The following PLIN4 variants were observed in gnomAD, a reference collection of about 807,000 sequenced individuals.
PLIN4 encodes the protein perilipin 4.
A neutral mutation model predicts 52.4 loss-of-function variants in PLIN4; 57 were observed. The ratio of observed to expected loss-of-function variants is 1.09; its 90% CI spans 0.88 to 1.36. The LOEUF is 1.36. Among genes scored for constraint, PLIN4 ranks in the 40% most tolerant of loss-of-function variants. PLIN4 has a pLI of 0.00. For synonymous variants in PLIN4, 826 were observed against 785.4 expected (o/e 1.05, Z -0.86); for missense variants, 1,757 against 1,770.3 (o/e 0.99, Z 0.13).
At chr19:4,515,606 A>C (rs1400543476) in intron 4 of PLIN4, among the ~76,000 whole-genome samples, 1 of 152,108 alleles carries the variant, frequency 6.6e-6, no homozygotes, top group Non-Finnish European at 1.5e-5. Flanking sequence ...CAACTGGGTG[A>C]TTCTGCCCCC....
chr19:4,514,732 AATAATG>A (rs960492725), intron 4 of PLIN4, among the ~76,000 whole-genome samples: 1 of 147,936 alleles, frequency 6.8e-6, no homozygotes, highest in African/African-American at 2.6e-5. Context: ...TGTCTCAAAT[AATAATG>A]ATAATGATAA....
rs376417787 is a variant in PLIN4 at position 4,504,642 on chromosome 19, C to G, written c.3933G>C (p.Glu1311Asp). The G allele has an allele frequency of 6.2e-7, 1 of 1,603,784 alleles. No individual in the cohort carries two copies. Among genetic ancestry groups the G allele is most frequent in the Non-Finnish European group, 8.5e-7 (1 of 1,178,268 alleles). ...CAGCTGAGGCCACGATGCCATAGAG[C>G]TCACAGAGGCTGTGCCGCGCCCGCC... is the stretch of plus-strand genomic sequence containing the variant. Reference protein sequence around the residue: ...PVGRARHSLCELYGIVASAGS... With the variant: ...PVGRARHSLCDLYGIVASAGS... Residue 1311 changes from glutamate to aspartate, a missense_variant, in exon 8 of 8, where the codon GAG becomes GAC. Glu to Asp is a conservative substitution (Grantham distance 45, BLOSUM62 2). This residue lies in a region of PLIN4 where 712 missense variants were observed against 637.1 expected (regional missense o/e 1.12). Transcript: ENST00000301286.
Position 4,508,761 on chromosome 19 carries a change from C to T in PLIN4, c.3702+7G>A, listed in dbSNP as rs552556145. 13 of 1,571,376 alleles carry T rather than the reference C, an allele frequency of 8.3e-6. No individual in the cohort carries two copies. In the African/African-American group the frequency reaches 1.5e-4, roughly 18 times the overall value. On this transcript the variant is annotated splice_region_variant and intron_variant, in intron 6 of 7. Transcript: ENST00000301286. ...GGGACGGGGCAGCAGCAGGGGGAAGCTCTTACCAGCCTGAAGCAGTCCTGG... is the reference window on the plus strand; with the variant it reads ...GGGACGGGGCAGCAGCAGGGGGAAGTTCTTACCAGCCTGAAGCAGTCCTGG...
chr19:4,517,587 G>C lies in PLIN4; in HGVS notation c.163C>G (p.Pro55Ala). The C allele has an allele frequency of 6.2e-7, 1 of 1,610,674 alleles. No homozygotes were observed. Among genetic ancestry groups the C allele is most frequent in the Non-Finnish European group, 8.5e-7 (1 of 1,179,092 alleles). ...ARPAADPTGA[P>A]AAEAAQPQAQ... ...TGTGGTTGGGCAGCCTCGGCAGCAG[G>C]CGCTCCTGTGGGGTCAGCGGCCGGC... The change falls in exon 3 of 8, where the codon CCT becomes GCT. Residue 55 changes from proline to alanine, a missense_variant. Physicochemically the swap from Pro to Ala is conservative, Grantham distance 27. Around this residue, in one of 7 missense-constraint regions of PLIN4, gnomAD observed 332 missense variants for 310.8 expected, o/e 1.07. Coordinates refer to ENST00000301286, the MANE Select transcript of PLIN4 (RefSeq NM_001367868.2).
intron 4 of PLIN4, among the ~76,000 whole-genome samples, chr19:4,514,325 G>C (rs1404961649): frequency 6.6e-5 from 10 of 152,160 alleles, no homozygotes; most frequent in African/African-American, 2.4e-4. Context: ...GGGCACACCT[G>C]TAGTCCCAGC....
In PLIN4 at chr19:4,504,383, C is replaced by T. The variant is rs924478489; in HGVS notation, c.*76G>A. 63 of 1,348,946 alleles carry T rather than the reference C, an allele frequency of 4.7e-5. No homozygotes were observed. Among genetic ancestry groups the T allele is most frequent in the Non-Finnish European group, 5.3e-5 (54 of 1,020,198 alleles). The allele number at this position is 1,348,946 out of a possible 1,614,324, so 83.6% of individuals were successfully genotyped here. On this transcript the variant is annotated 3_prime_UTR_variant, in exon 8 of 8. Coordinates refer to ENST00000301286, the MANE Select transcript of PLIN4 (RefSeq NM_001367868.2). ...TAGGGAACCGATCCAGGTTTGGGGG[C>T]GGGGAGAAAGTTCTGAGGCAGCTCC...
At position 4,512,022 on chromosome 19, in the gene PLIN4, C is replaced by G. The variant is rs777462477; in HGVS notation, c.1938G>C (p.Lys646Asn). 6.2e-7 allele frequency: 1 copy of G among 1,612,508 alleles called. No individual in the cohort carries two copies. The highest frequency in any genetic ancestry group is 8.5e-7 in the Non-Finnish European group (1 of 1,179,694). The change falls in exon 5 of 8, where the codon AAG becomes AAC. Residue 646 changes from lysine to asparagine, a missense_variant. Lys to Asn is a moderately conservative substitution (Grantham distance 94, BLOSUM62 0). Transcript: ENST00000301286. The stretch of plus-strand genomic sequence containing the variant: ...TTTTCAGCCCAGTTTGCACAGCCCC[C>G]TTGGCCACGTTCACGGCACTGGTGA... ...SGVTSAVNVAKGAVQTGLKTT... is the reference protein window; with the variant it reads ...SGVTSAVNVANGAVQTGLKTT...
At position 4,502,639 on chromosome 19, in the gene PLIN4, G is replaced by A. The variant is rs1975955384; in HGVS notation, c.*1820C>T. The A allele has an allele frequency of 5.2e-6, 1 of 192,004 alleles. No individual in the cohort carries two copies. The highest frequency in any genetic ancestry group is 1.1e-5 in the Non-Finnish European group (1 of 95,130). 11.9% of individuals were successfully genotyped at this position (192,004 alleles called of 1,614,324 possible). A position where few individuals can be genotyped will look rare whatever the true frequency, so the allele number is the denominator to read the frequency against. On this transcript the variant is annotated 3_prime_UTR_variant, in exon 8 of 8. Coordinates refer to ENST00000301286, the MANE Select transcript of PLIN4 (RefSeq NM_001367868.2). ...AGCCGACAGTGGTCTCCAGCGTTCA[G>A]GGAGCATGGGCCTCAGGGGCCAGCC...
chr19:4,516,598 G>C lies in PLIN4; in HGVS notation c.258+19C>G, dbSNP rs1462920243. ...CAGGGCTCCTGCCACATCAGACCCT[G>C]CCCTGCACATCCTCTCACCTTTTCC... On this transcript the variant is annotated intron_variant, in intron 4 of 7. Transcript: ENST00000301286. 3.1e-6 allele frequency: 5 copies of C among 1,597,240 alleles called. No homozygotes were observed. The South Asian group carries it at 5.7e-5, about 18-fold the overall frequency.
Position 4,502,425 on chromosome 19 carries a change from G to A in PLIN4, c.*2034C>T. The A allele has an allele frequency of 3.0e-6, 1 of 336,326 alleles. No homozygotes were observed. Among genetic ancestry groups the A allele is most frequent in the Non-Finnish European group, 5.6e-6 (1 of 178,360 alleles). 20.8% of individuals were successfully genotyped at this position (336,326 alleles called of 1,614,324 possible). On this transcript the variant is annotated 3_prime_UTR_variant, in exon 8 of 8. Transcript: ENST00000301286. ...CAAGCTCTTCCCAGGAGACAAGAGGGACAAACCAGGGCATCTAAGCTGTGC... is the reference window on the plus strand; with the variant it reads ...CAAGCTCTTCCCAGGAGACAAGAGGAACAAACCAGGGCATCTAAGCTGTGC...
chr19:4,515,330 C>T (rs956856598), intron 4 of PLIN4, among the ~76,000 whole-genome samples: 7 of 151,152 alleles, frequency 4.6e-5, no homozygotes, highest in African/African-American at 7.3e-5. Context: ...AGTGCAGTGG[C>T]GAGATCTCGG....
At chr19:4,510,270 G>A (rs557457292) in intron 5 of PLIN4, among the ~76,000 whole-genome samples, 176 bp downstream of exon 5, 1 of 151,854 alleles carries the variant, frequency 6.6e-6, no homozygotes, top group Non-Finnish European at 1.5e-5. Context: ...GGAGGCTGAG[G>A]CAGGAGGATG....
At chr19:4,516,936 C>T (rs1976599944) in intron 3 of PLIN4, among the ~76,000 whole-genome samples, 1 of 152,230 alleles carries the variant, frequency 6.6e-6, no homozygotes, top group South Asian at 2.1e-4. Flanking sequence ...TGGGTGGACA[C>T]CCACCCTGAG....
chr19:4,507,614 A>G (rs1401832858), intron 6 of PLIN4, among the ~76,000 whole-genome samples: 1 of 152,070 alleles, frequency 6.6e-6, no homozygotes, highest in Non-Finnish European at 1.5e-5. Context: ...TCTTGACCCC[A>G]GTAGGTTGAA....
At chr19:4,509,024 T>A (rs531966507) in intron 5 of PLIN4, 69 bp from the exon 6 acceptor site, 1 of 1,465,646 alleles carries the variant, frequency 6.8e-7, no homozygotes, top group Non-Finnish European at 9.1e-7. Flanking sequence ...AAAAGTCAAG[T>A]GAGGGCCGGG....
chr19:4,507,467 G>A (rs1976129562), intron 6 of PLIN4, among the ~76,000 whole-genome samples: 1 of 152,216 alleles, frequency 6.6e-6, no homozygotes, highest in Non-Finnish European at 1.5e-5. Context: ...AGGATCACTT[G>A]AACCCAGGAG....
At chr19:4,509,039 G>C (rs1035378128) in intron 5 of PLIN4, 84 bp from the exon 6 acceptor site, 3 of 1,354,410 alleles carry the variant, frequency 2.2e-6, no homozygotes, top group African/African-American at 2.9e-5. Flanking sequence ...GCCGGGCGCG[G>C]CGGTTCCCGC....
At position 4,512,851 on chromosome 19, in the gene PLIN4, A is replaced by C. The variant is rs1364953321; in HGVS notation, c.1109T>G (p.Val370Gly). Residue 370 changes from valine to glycine, a missense_variant, in exon 5 of 8, where the codon GTC (valine) becomes GGC (glycine). Physicochemically the swap from Val to Gly is moderately radical, Grantham distance 109. Around this residue, in one of 7 missense-constraint regions of PLIN4, gnomAD observed 99 missense variants for 143.4 expected, o/e 0.69. Coordinates refer to ENST00000301286, the MANE Select transcript of PLIN4 (RefSeq NM_001367868.2). ...KTVLTGTKNT[V>G]CSGVTGAVNL... ...CACGGCACCGGTCACCCCACTGCAGACAGTGTTCTTGGTGCCAGTTAGGAC... is the reference window on the plus strand; with the variant it reads ...CACGGCACCGGTCACCCCACTGCAGCCAGTGTTCTTGGTGCCAGTTAGGAC... 4 of 1,562,108 alleles carry C rather than the reference A, an allele frequency of 2.6e-6. No homozygotes were observed. The East Asian group carries it at 6.7e-5, about 26-fold the overall frequency.
Position 4,512,071 on chromosome 19 carries a change from G to A in PLIN4, c.1889C>T (p.Thr630Ile). ...MDTTKTVLTGTKDTIYSGVTS... is the reference protein window; with the variant it reads ...MDTTKTVLTGIKDTIYSGVTS... ...GACCCCACTGTAGATGGTGTCCTTG[G>A]TACCGGTTAGGACAGTTTTGGTGGT... is the stretch of plus-strand genomic sequence containing the variant. The change falls in exon 5 of 8, where the codon ACC (threonine) becomes ATC (isoleucine). Residue 630 changes from threonine to isoleucine, a missense_variant. Physicochemically the swap from Thr to Ile is moderately conservative, Grantham distance 89. Coordinates refer to ENST00000301286, the MANE Select transcript of PLIN4 (RefSeq NM_001367868.2). 1 of 1,610,736 alleles carries A rather than the reference G, an allele frequency of 6.2e-7. No individual in the cohort carries two copies. Among genetic ancestry groups the A allele is most frequent in the African/African-American group, 1.4e-5 (1 of 73,338 alleles).
Sources: gnomAD v4.1 joint callset for allele counts (sites outside exome capture counted in the v4.1 genomes callset) on GRCh38, gnomAD v4.1.1 for gene constraint, gnomAD v4.1.1 regional missense constraint, MANE v1.5 for transcripts, NCBI Gene and HGNC (gene_info 2026-07-23, HGNC 2026-07-21) for gene names.